Variants in HS6ST3 observed in about 807,000 individuals in gnomAD.
HS6ST3 encodes heparan-sulfate 6-O-sulfotransferase 3.
HS6ST3 carries 12 observed loss-of-function variants against 36.7 expected under a neutral mutation model. The observed-to-expected ratio is 0.33, with a 90% confidence interval of 0.21 to 0.53. The LOEUF (loss-of-function observed/expected upper bound fraction) is 0.53, where lower values mean the gene tolerates loss of function less well. Among genes scored for constraint, HS6ST3 ranks in the 20% least tolerant of loss-of-function variants. The pLI, the probability that HS6ST3 is intolerant of heterozygous loss-of-function variation, is 0.95. For synonymous variants in HS6ST3, 240 were observed against 257.5 expected, an observed-to-expected ratio of 0.93 and a Z score of 0.65; for missense variants, 584 against 640.9, an observed-to-expected ratio of 0.91 and a Z score of 0.96.
intron 1 of HS6ST3, among the ~76,000 whole-genome samples, chr13:96,500,133 C>T (rs1204703350): frequency 6.6e-6 from 1 of 152,138 alleles, no homozygotes; most frequent in Admixed American, 6.6e-5. Context: ...CTTTCTGCCT[C>T]TGTGGATTTG....
chr13:96,747,345 A>C (rs1347586117), intron 1 of HS6ST3, among the ~76,000 whole-genome samples: 4 of 152,172 alleles, frequency 2.6e-5, no homozygotes, highest in Admixed American at 6.6e-5. Flanking sequence ...GATTGGAATG[A>C]TATGGTTTTC....
chr13:96,295,356 G>T lies in HS6ST3; in HGVS notation c.707+203787G>T, dbSNP rs79568487. ...ATATCAGAATAGAGAAGTGTTTCTT[G>T]TTGTTTTTTTTCCAAGTGTCATTGT... On this transcript the variant is annotated intron_variant, in intron 1 of 1. Coordinates refer to ENST00000376705, the MANE Select transcript of HS6ST3 (RefSeq NM_153456.4). 2.0e-5 allele frequency among the ~76,000 whole-genome samples: 3 copies of T among 151,968 alleles called. No homozygotes were observed. The East Asian group carries it at 5.8e-4, about 29-fold the overall frequency.
chr13:96,356,538 T>A (rs2055211100), intron 1 of HS6ST3, among the ~76,000 whole-genome samples: 1 of 152,194 alleles, frequency 6.6e-6, no homozygotes, highest in Admixed American at 6.5e-5. Context: ...GTGGACTAGG[T>A]GCATTGTCAA....
At chr13:96,251,299 T>C (rs1743143216) in intron 1 of HS6ST3, among the ~76,000 whole-genome samples, 1 of 152,194 alleles carries the variant, frequency 6.6e-6, no homozygotes, top group Non-Finnish European at 1.5e-5. Context: ...TTCTGCTTCT[T>C]CATGGTTCAA....
intron 1 of HS6ST3, among the ~76,000 whole-genome samples, chr13:96,388,013 A>C (rs778912435): frequency 1.6e-4 from 25 of 152,188 alleles, no homozygotes; most frequent in Non-Finnish European, 3.2e-4. Context: ...GATTTGGCCA[A>C]CTTTGATGGC....
intron 1 of HS6ST3, among the ~76,000 whole-genome samples, chr13:96,616,274 A>G (rs918219598): frequency 6.6e-6 from 1 of 152,212 alleles, no homozygotes; most frequent in African/African-American, 2.4e-5. Flanking sequence ...ACAATTGACT[A>G]GAAATCAATG....
At chr13:96,192,062 A>T (rs998361909) in intron 1 of HS6ST3, among the ~76,000 whole-genome samples, 1 of 152,182 alleles carries the variant, frequency 6.6e-6, no homozygotes, top group Non-Finnish European at 1.5e-5. Flanking sequence ...TACCCAGTGC[A>T]TACTCAGGAG....
At chr13:96,255,934 G>A (rs781685275) in intron 1 of HS6ST3, among the ~76,000 whole-genome samples, 2 of 152,122 alleles carry the variant, frequency 1.3e-5, no homozygotes, top group African/African-American at 2.4e-5. Flanking sequence ...AATAATTACC[G>A]TTTCCTTCAC....
chr13:96,174,080 A>G (rs75906028), intron 1 of HS6ST3, among the ~76,000 whole-genome samples: 1,642 of 152,260 alleles, frequency 0.011, 34 homozygotes, highest in African/African-American at 0.038. Context: ...GAAACAGGTT[A>G]TAAGTGAAAG....
chr13:96,432,391 TTC>T (rs2055619956), intron 1 of HS6ST3, among the ~76,000 whole-genome samples: 1 of 152,204 alleles, frequency 6.6e-6, no homozygotes, highest in Admixed American at 6.5e-5. Flanking sequence ...GAAATTTTAA[TTC>T]TCTTATCCCA....
chr13:96,178,891 G>C (rs979102686), intron 1 of HS6ST3, among the ~76,000 whole-genome samples: 1 of 152,172 alleles, frequency 6.6e-6, no homozygotes, highest in African/African-American at 2.4e-5. Flanking sequence ...GAAAGTTATT[G>C]ACCAGGTTTT....
At chr13:96,250,405 C>G (rs1221619333) in intron 1 of HS6ST3, among the ~76,000 whole-genome samples, 1 of 152,182 alleles carries the variant, frequency 6.6e-6, no homozygotes, top group Non-Finnish European at 1.5e-5. Context: ...CCCTGCATTA[C>G]CTGGTGGGCC....
intron 1 of HS6ST3, among the ~76,000 whole-genome samples, chr13:96,596,511 A>G (rs1194115419): frequency 1.3e-5 from 2 of 152,072 alleles, no homozygotes; most frequent in African/African-American, 4.8e-5. Context: ...TGGTGTATCT[A>G]TTTTTAGTTC....
chr13:96,148,147 G>T (rs2054067003), intron 1 of HS6ST3, among the ~76,000 whole-genome samples: 1 of 152,012 alleles, frequency 6.6e-6, no homozygotes, highest in Admixed American at 6.5e-5. Flanking sequence ...TTAGAAATTT[G>T]GTGTTGTTTT....
intron 1 of HS6ST3, among the ~76,000 whole-genome samples, chr13:96,200,626 AT>A (rs1016111214): frequency 1.3e-5 from 2 of 151,894 alleles, no homozygotes; most frequent in Non-Finnish European, 2.9e-5. Flanking sequence ...TAACTATATT[AT>A]TTTTTCCCAT....
chr13:96,714,108 A>T (rs1306829337), intron 1 of HS6ST3, among the ~76,000 whole-genome samples: 1 of 152,224 alleles, frequency 6.6e-6, no homozygotes, highest in African/African-American at 2.4e-5. Flanking sequence ...AGAATGTTTT[A>T]TGACCTTAGG....
intron 1 of HS6ST3, among the ~76,000 whole-genome samples, chr13:96,637,153 C>T (rs1450965839): frequency 1.3e-5 from 2 of 152,056 alleles, no homozygotes. Flanking sequence ...TATTATATAA[C>T]TCTGTGTTAA....
intron 1 of HS6ST3, among the ~76,000 whole-genome samples, chr13:96,718,743 C>T (rs753750901): frequency 3.9e-5 from 6 of 152,230 alleles, no homozygotes; most frequent in Non-Finnish European, 7.4e-5. Flanking sequence ...CATTAAAATG[C>T]GTTAAATGAC....
In HS6ST3 at chr13:96,832,531, G is replaced by A. The variant is rs761740630; in HGVS notation, c.749G>A (p.Arg250His). ...YITMLRDPVS[R>H]YLSEWKHVQR... ...ACAATGTTACGGGATCCAGTGTCAC[G>A]TTACCTGAGCGAGTGGAAACATGTC... The change falls in exon 2 of 2, where the codon CGT (arginine) becomes CAT (histidine). Residue 250 changes from arginine to histidine, a missense_variant. Coordinates refer to ENST00000376705, the MANE Select transcript of HS6ST3 (RefSeq NM_153456.4). 2.5e-6 allele frequency: 4 copies of A among 1,603,676 alleles called. No homozygotes were observed. Among genetic ancestry groups the A allele is most frequent in the African/African-American group, 1.3e-5 (1 of 74,620 alleles).
Sources: allele counts gnomAD v4.1 joint callset (sites outside exome capture counted in the v4.1 genomes callset), GRCh38; gene constraint gnomAD v4.1.1; transcripts MANE v1.5; gene names NCBI Gene and HGNC (gene_info 2026-07-23, HGNC 2026-07-21).